The following DLG2 variants were observed in gnomAD, a reference collection of about 807,000 sequenced individuals.
DLG2 encodes the protein discs large MAGUK scaffold protein 2.
DLG2 carries 45 observed loss-of-function variants against 132.5 expected under a neutral mutation model. That is an observed-to-expected ratio of 0.34 (90% CI 0.27 to 0.44). The LOEUF is 0.44. Among genes scored for constraint, DLG2 ranks in the 20% least tolerant of loss-of-function variants. DLG2 has a pLI of 1.00. For synonymous variants in DLG2, 424 were observed against 419.6 expected (o/e 1.01, Z -0.13); for missense variants, 1,045 against 1,196.9 (o/e 0.87, Z 1.87).
At chr11:84,327,171 C>T (rs542512467) in intron 7 of DLG2, among the ~76,000 whole-genome samples, 25 of 134,326 alleles carry the variant, frequency 1.9e-4, no homozygotes, top group East Asian at 1.6e-3. Flanking sequence ...GACTGGAGTG[C>T]GGTGGTGCAA....
chr11:83,972,305 G>A (rs975584793), intron 12 of DLG2, among the ~76,000 whole-genome samples: 67 of 152,042 alleles, frequency 4.4e-4, no homozygotes, highest in Non-Finnish European at 7.5e-4. Context: ...TTTCTTACAT[G>A]TAAAATGGGA....
At chr11:85,431,120 G>C (rs577092152) in intron 3 of DLG2, among the ~76,000 whole-genome samples, 6 of 152,060 alleles carry the variant, frequency 3.9e-5, no homozygotes, top group Non-Finnish European at 7.4e-5. Context: ...TGTTTCCAAC[G>C]AAGGAGACAA....
At chr11:85,216,286 G>A (rs760025629) in intron 4 of DLG2, among the ~76,000 whole-genome samples, 12 of 152,228 alleles carry the variant, frequency 7.9e-5, no homozygotes, top group African/African-American at 2.2e-4. Flanking sequence ...CAGACTTTAC[G>A]TTCCTACTTA....
At chr11:84,112,574 G>C (rs1291869048) in intron 9 of DLG2, among the ~76,000 whole-genome samples, 2 of 151,064 alleles carry the variant, frequency 1.3e-5, no homozygotes, top group East Asian at 3.9e-4. Flanking sequence ...CTGGCGGTGT[G>C]CACTTATTAT....
chr11:85,159,906 G>A (rs1448400627), intron 4 of DLG2, among the ~76,000 whole-genome samples: 1 of 152,154 alleles, frequency 6.6e-6, no homozygotes, highest in Non-Finnish European at 1.5e-5. Flanking sequence ...TTACATTGAT[G>A]ACATTATGCT....
chr11:84,213,727 G>A (rs540653100), intron 8 of DLG2, among the ~76,000 whole-genome samples: 3 of 150,398 alleles, frequency 2.0e-5, no homozygotes, highest in Non-Finnish European at 3.0e-5. Context: ...GCTGAGGCAG[G>A]AGAATGGCGT....
intron 16 of DLG2, among the ~76,000 whole-genome samples, chr11:83,851,218 A>C (rs1025781278): frequency 3.3e-5 from 5 of 151,946 alleles, no homozygotes; most frequent in African/African-American, 1.2e-4. Context: ...AACTGTCCCA[A>C]TACCCCAGAA....
intron 6 of DLG2, among the ~76,000 whole-genome samples, chr11:85,098,465 C>T (rs7949857): frequency 6.6e-6 from 1 of 152,168 alleles, no homozygotes; most frequent in Non-Finnish European, 1.5e-5. Flanking sequence ...CGTGTGTACT[C>T]TAGAAAACTG....
intron 7 of DLG2, among the ~76,000 whole-genome samples, chr11:84,386,832 A>G (rs894283386): frequency 3.3e-5 from 5 of 152,008 alleles, no homozygotes; most frequent in Admixed American, 6.6e-5. Flanking sequence ...ATCGTCTTGC[A>G]TAGTTTGCTT....
At chr11:85,581,693 T>C (rs1442005387) in intron 3 of DLG2, among the ~76,000 whole-genome samples, 8 of 152,122 alleles carry the variant, frequency 5.3e-5, no homozygotes. Flanking sequence ...CTATGACTGA[T>C]ATTCTAACCA....
intron 7 of DLG2, among the ~76,000 whole-genome samples, chr11:84,427,523 A>G: frequency 6.6e-6 from 1 of 152,176 alleles, no homozygotes. Context: ...ACAGAAGTCA[A>G]CGAAGATGAC....
At chr11:85,395,895 G>T (rs1405589010) in intron 3 of DLG2, among the ~76,000 whole-genome samples, 1 of 152,218 alleles carries the variant, frequency 6.6e-6, no homozygotes, top group Non-Finnish European at 1.5e-5. Context: ...CTGTCTGACA[G>T]CTCTGAAGAG....
intron 7 of DLG2, among the ~76,000 whole-genome samples, chr11:84,457,349 A>T (rs1241822703): frequency 6.6e-6 from 1 of 151,120 alleles, no homozygotes; most frequent in African/African-American, 2.4e-5. Context: ...ACTACAAAAT[A>T]AAACTTGTTT....
intron 7 of DLG2, among the ~76,000 whole-genome samples, chr11:84,265,188 G>T (rs766888478): frequency 3.3e-5 from 5 of 152,040 alleles, no homozygotes; most frequent in Non-Finnish European, 7.4e-5. Flanking sequence ...AGCAAATGTA[G>T]CCATATATGA....
chr11:85,040,200 T>G (rs1469976198), intron 6 of DLG2, among the ~76,000 whole-genome samples: 1 of 151,918 alleles, frequency 6.6e-6, no homozygotes, highest in East Asian at 1.9e-4. Flanking sequence ...TGAAAAGAAT[T>G]GCTGAATTCT....
chr11:85,083,517 GGCTC>G (rs1489125188), intron 6 of DLG2, among the ~76,000 whole-genome samples: 1 of 152,190 alleles, frequency 6.6e-6, no homozygotes, highest in African/African-American at 2.4e-5. Flanking sequence ...AAGGTGGTCA[GGCTC>G]CAGCTTGGTT....
Position 83,790,781 on chromosome 11 carries a change from C to G in DLG2, c.1723-3989G>C. The G allele has an allele frequency of 5.3e-6, 4 of 759,036 alleles. No individual in the cohort carries two copies. In the South Asian group the frequency reaches 5.7e-5, roughly 11 times the overall value. The allele number at this position is 759,036 out of a possible 1,614,324, so 47.0% of individuals were successfully genotyped here. ...CAACTAGGTTCTGGTCTGCCTGACT[C>G]TCATCTTCGGGGAAAGAGCGCCCTC... On this transcript the variant is annotated intron_variant, in intron 17 of 27. Coordinates refer to ENST00000376104, the MANE Select transcript of DLG2 (RefSeq NM_001142699.3).
At chr11:85,555,832 G>A (rs1450713105) in intron 3 of DLG2, among the ~76,000 whole-genome samples, 2 of 151,730 alleles carry the variant, frequency 1.3e-5, no homozygotes, top group African/African-American at 4.8e-5. Flanking sequence ...TTTGCTCCAG[G>A]CGAGTGCCCT....
At chr11:84,984,793 A>G (rs1185707545) in intron 6 of DLG2, among the ~76,000 whole-genome samples, 1 of 152,184 alleles carries the variant, frequency 6.6e-6, no homozygotes, top group Admixed American at 6.5e-5. Context: ...ATGGAAAAAG[A>G]CATTCCATGC....
Sources: gnomAD v4.1 joint callset for allele counts (sites outside exome capture counted in the v4.1 genomes callset) on GRCh38, gnomAD v4.1.1 for gene constraint, MANE v1.5 for transcripts, NCBI Gene and HGNC (gene_info 2026-07-23, HGNC 2026-07-21) for gene names.